The following CES2 variants were observed in gnomAD, a reference collection of about 807,000 sequenced individuals.
CES2 encodes carboxylesterase 2.
A neutral mutation model predicts 52.1 loss-of-function variants in CES2; 42 were observed. The observed-to-expected ratio is 0.81, with a 90% CI of 0.63 to 1.04. The LOEUF is 1.04. CES2 is among the 50% of genes least tolerant of loss of function. The pLI is 0.00. For synonymous variants in CES2, 277 were observed against 289.6 expected (o/e 0.96, Z 0.44); for missense variants, 656 against 724.3 (o/e 0.91, Z 1.08).
intron 2 of CES2, 73 bp downstream of exon 2, chr16:66,938,314 C>A: frequency 1.9e-6 from 2 of 1,046,706 alleles, no homozygotes; most frequent in Non-Finnish European, 3.0e-6. Flanking sequence ...CTCAGCTAGG[C>A]TGCAGTTATC....
intron 10 of CES2, among the ~76,000 whole-genome samples, 195 bp downstream of exon 10, chr16:66,942,980 C>T (rs1963402303): frequency 6.6e-6 from 1 of 152,182 alleles, no homozygotes; most frequent in Admixed American, 6.5e-5. Flanking sequence ...AGCTGTGCTC[C>T]CTCTGCCTCT....
At chr16:66,935,913 G>T in intron 1 of CES2, 1 of 1,446,110 alleles carries the variant, frequency 6.9e-7, no homozygotes, top group East Asian at 2.5e-5. Flanking sequence ...CGGGCTGGGG[G>T]ACACCACGGC....
chr16:66,940,949 G>A (rs528153467), intron 5 of CES2, among the ~76,000 whole-genome samples, 175 bp from the exon 6 acceptor site: 45 of 152,352 alleles, frequency 3.0e-4, no homozygotes, highest in African/African-American at 9.4e-4. Flanking sequence ...TCATCTAGGC[G>A]GATGGGATGG....
rs1415655608 is a variant in CES2 at position 66,944,126 on chromosome 16, T to A, written c.*101T>A. 3 of 559,742 alleles carry A rather than the reference T, an allele frequency of 5.4e-6. No individual in the cohort carries two copies. The African/African-American group carries it at 5.7e-5, about 11-fold the overall frequency. 34.7% of individuals were successfully genotyped at this position (559,742 alleles called of 1,614,324 possible). A position where few individuals can be genotyped will look rare whatever the true frequency, so the allele number is the denominator to read the frequency against. ...AAGGAGAAAGAAGTTGATTCCTTCATTCACTTCGCCATTCATTCATACTTC... is the reference window on the plus strand; with the variant it reads ...AAGGAGAAAGAAGTTGATTCCTTCAATCACTTCGCCATTCATTCATACTTC... On this transcript the variant is annotated 3_prime_UTR_variant, in exon 12 of 12. Transcript: ENST00000317091.
intron 3 of CES2, among the ~76,000 whole-genome samples, chr16:66,940,002 A>T (rs955836355): frequency 6.6e-6 from 1 of 152,228 alleles, no homozygotes; most frequent in Non-Finnish European, 1.5e-5. Flanking sequence ...TCTGGGGTTA[A>T]TGAACCCAGG....
chr16:66,941,638 A>T lies in CES2; in HGVS notation c.1048A>T (p.Ile350Phe). ...GVNNNEFGWL[I>F]PKVMRIYDTQ... ...CAACAACAATGAATTCGGCTGGCTC[A>T]TCCCCAAGGTGAGCCCCAACCCAAG... The change falls in exon 7 of 12, where the codon ATC (isoleucine) becomes TTC (phenylalanine). Residue 350 changes from isoleucine (I) to phenylalanine (F), a missense_variant. By Grantham distance (21) the Ile-to-Phe change is conservative. Transcript: ENST00000317091. 6 of 1,614,030 alleles carry T rather than the reference A, an allele frequency of 3.7e-6. No individual in the cohort carries two copies. Among genetic ancestry groups the T allele is most frequent in the Non-Finnish European group, 5.1e-6 (6 of 1,179,948 alleles).
chr16:66,941,361 G>T, intron 6 of CES2, 139 bp downstream of exon 6: 1 of 1,512,366 alleles, frequency 6.6e-7, no homozygotes, highest in Non-Finnish European at 8.9e-7. Flanking sequence ...GGGACTGAAG[G>T]TCGGTGCATG....
intron 2 of CES2, 84 bp from the exon 3 acceptor site, chr16:66,939,133 G>A: frequency 8.5e-7 from 1 of 1,170,106 alleles, no homozygotes; most frequent in Non-Finnish European, 1.3e-6. Context: ...AAGGGTCTGA[G>A]GGTGGCTGGG....
At chr16:66,936,072 C>T (rs1331036622) in intron 1 of CES2, 4 of 1,111,900 alleles carry the variant, frequency 3.6e-6, no homozygotes, top group Non-Finnish European at 4.6e-6. Context: ...TGCTGCCGGC[C>T]GGTAATAACA....
chr16:66,934,598 T>G (rs1030409924), upstream of CES2: 3 of 617,726 alleles, frequency 4.9e-6, no homozygotes, highest in Admixed American at 1.0e-4. The surrounding 1 kb of genome is among the most constrained non-coding windows in gnomAD (Gnocchi z 4.1). Context: ...ACGGCGGCGC[T>G]GGGTCGTGCG....
rs1430300127 is a variant in CES2 at position 66,942,659 on chromosome 16, C to T, written c.1294C>T (p.Pro432Ser). ...QVAHFQCSRA[P>S]VYFYEFQHQP... ...TGTCCACCCCACAGGTTCCCGGGCC[C>T]CTGTGTACTTCTACGAGTTCCAGCA... Residue 432 changes from proline (P) to serine (S), a missense_variant, in exon 10 of 12, where the codon CCT (proline) becomes TCT (serine). By Grantham distance (74) the Pro-to-Ser change is moderately conservative. Coordinates refer to ENST00000317091, the MANE Select transcript of CES2 (RefSeq NM_001365405.1). The T allele has an allele frequency of 6.2e-7, 1 of 1,614,094 alleles. No individual in the cohort carries two copies. The highest frequency in any genetic ancestry group is 1.3e-5 in the African/African-American group (1 of 74,924).
At chr16:66,938,346 C>G (rs762348676) in intron 2 of CES2, 105 bp downstream of exon 2, 5 of 804,870 alleles carry the variant, frequency 6.2e-6, no homozygotes, top group Non-Finnish European at 1.0e-5. Flanking sequence ...ACCCCCACAG[C>G]CAGTTTTCCT....
At chr16:66,940,096 A>G in intron 3 of CES2, 126 bp from the exon 4 acceptor site, 1 of 1,333,772 alleles carries the variant, frequency 7.5e-7, no homozygotes, top group Non-Finnish European at 1.0e-6. Flanking sequence ...TTGCCCATGT[A>G]ATGAATTTGT....
Position 66,935,874 on chromosome 16 carries a change from A to T in CES2, c.76+163A>T, listed in dbSNP as rs546208879. The T allele has an allele frequency of 2.1e-5, 32 of 1,490,584 alleles. No individual in the cohort carries two copies. The African/African-American group carries it at 4.5e-4, about 21-fold the overall frequency. The allele number at this position is 1,490,584 out of a possible 1,614,324, so 92.3% of individuals were successfully genotyped here. On this transcript the variant is annotated intron_variant, in intron 1 of 11. Transcript: ENST00000317091. ...CCACGCAACGCCTCCCCGCCGCCCAAGGTGGGCTCCTAGAAGCACAGAAAG... is the reference window on the plus strand; with the variant it reads ...CCACGCAACGCCTCCCCGCCGCCCATGGTGGGCTCCTAGAAGCACAGAAAG...
chr16:66,936,272 C>T (rs993652886), intron 1 of CES2, among the ~76,000 whole-genome samples: 9 of 152,134 alleles, frequency 5.9e-5, no homozygotes, highest in Non-Finnish European at 1.2e-4. Context: ...TCCTTTAATC[C>T]CACCACTTTA....
chr16:66,937,830 A>G (rs967970575), intron 1 of CES2, among the ~76,000 whole-genome samples: 1 of 152,198 alleles, frequency 6.6e-6, no homozygotes, highest in Non-Finnish European at 1.5e-5. Context: ...GCCTGGCCCC[A>G]AGGAGCCTCA....
chr16:66,941,067 C>A, intron 5 of CES2, 57 bp from the exon 6 acceptor site: 1 of 1,604,790 alleles, frequency 6.2e-7, no homozygotes, highest in Non-Finnish European at 8.5e-7. Flanking sequence ...GGGCCTTGGG[C>A]AAACTCCTCT....
Position 66,940,317 on chromosome 16 carries a change from C to A in CES2, c.519C>A (p.Val173=). 6.2e-7 allele frequency: 1 copy of A among 1,614,102 alleles called. No individual in the cohort carries two copies. The highest frequency in any genetic ancestry group is 8.5e-7 in the Non-Finnish European group (1 of 1,180,034). The change falls in exon 4 of 12, where the codon GTC becomes GTA. Residue 173 remains valine (V), a synonymous_variant. Transcript: ENST00000317091. ...MLAALENVVV[V]IIQYRLGVLG... ...CTGCCTTGGAGAACGTGGTGGTGGT[C>A]ATCATCCAGTACCGCCTGGGTGTCC...
chr16:66,936,351 G>A (rs1331842103), intron 1 of CES2, among the ~76,000 whole-genome samples: 1 of 152,102 alleles, frequency 6.6e-6, no homozygotes, highest in African/African-American at 2.4e-5. Flanking sequence ...AGTGAGACTC[G>A]GAGTGTACAA....
Sources: gnomAD v4.1 joint callset for allele counts (sites outside exome capture counted in the v4.1 genomes callset) on GRCh38, gnomAD v4.1.1 for gene constraint, Gnocchi (gnomAD v3.1) non-coding constraint, MANE v1.5 for transcripts, NCBI Gene and HGNC (gene_info 2026-07-23, HGNC 2026-07-21) for gene names.